NPTN: variants seen among roughly 807,000 people sequenced by gnomAD.
NPTN encodes SDR-1.
In NPTN, 5 loss-of-function variants were observed where a neutral mutation model predicts 42.7. That is an observed-to-expected ratio of 0.12 (90% CI 0.06 to 0.25). The LOEUF is 0.25. NPTN is among the 10% of genes least tolerant of loss of function. The pLI is 1.00. For missense variants in NPTN, 307 were observed against 525.4 expected (o/e 0.58, Z 4.06); for synonymous variants, 180 against 201.9 (o/e 0.89, Z 0.92).
intron 1 of NPTN, among the ~76,000 whole-genome samples, chr15:73,629,201 G>A (rs548154366): frequency 1.2e-4 from 18 of 152,284 alleles, no homozygotes; most frequent in African/African-American, 4.1e-4. Flanking sequence ...TATCAGTAGT[G>A]ACATTTTAGC....
chr15:73,561,846 A>T, intron 8 of NPTN, 50 bp downstream of exon 8: 9 of 1,287,330 alleles, frequency 7.0e-6, no homozygotes, highest in Non-Finnish European at 1.0e-5. Flanking sequence ...CAATAGAGGC[A>T]CATTCATTTG....
intron 2 of NPTN, among the ~76,000 whole-genome samples, 168 bp downstream of exon 2, chr15:73,596,854 G>C (rs1446888409): frequency 6.6e-6 from 1 of 151,706 alleles, no homozygotes; most frequent in Non-Finnish European, 1.5e-5. Flanking sequence ...AGTTGCCACA[G>C]ATGTTTTCAT....
Position 73,633,264 on chromosome 15 carries a change from G to A in NPTN, c.-49C>T. 7.4e-7 allele frequency: 1 copy of A among 1,343,280 alleles called. No homozygotes were observed. The allele number at this position is 1,343,280 out of a possible 1,614,324, so 83.2% of individuals were successfully genotyped here. A position where few individuals can be genotyped will look rare whatever the true frequency, so the allele number is the denominator to read the frequency against. On this transcript the variant is annotated 5_prime_UTR_variant, in exon 1 of 9. Transcript: ENST00000345330. ...GCGAATGGGCCGGGGCCAGAGCCGG[G>A]GCCGGGGAAGGGAGGGGAGGGAGGG...
At chr15:73,590,736 CG>C (rs1458836900) in intron 3 of NPTN, among the ~76,000 whole-genome samples, 1 of 151,948 alleles carries the variant, frequency 6.6e-6, no homozygotes, top group Non-Finnish European at 1.5e-5. Context: ...CACTCCAGCC[CG>C]GGAGGCAGAA....
At chr15:73,566,073 G>C (rs1446781001) in intron 6 of NPTN, among the ~76,000 whole-genome samples, 2 of 152,152 alleles carry the variant, frequency 1.3e-5, no homozygotes, top group Non-Finnish European at 2.9e-5. Context: ...TTAAACCCAA[G>C]AGAGACTGAG....
chr15:73,592,189 G>GC, intron 2 of NPTN, 52 bp from the exon 3 acceptor site: 1 of 1,522,668 alleles, frequency 6.6e-7, no homozygotes, highest in Non-Finnish European at 8.9e-7. Flanking sequence ...ATCCTCTGTA[G>GC]CCCTGGCCTG....
intron 8 of NPTN, among the ~76,000 whole-genome samples, 196 bp from the exon 9 acceptor site, chr15:73,561,244 G>A (rs1419043214): frequency 2.0e-5 from 3 of 152,200 alleles, no homozygotes; most frequent in East Asian, 3.9e-4. Context: ...CCCCAGACGT[G>A]AGGTAAGACT....
intron 6 of NPTN, chr15:73,568,757 A>T (rs936724951): frequency 6.8e-5 from 67 of 985,388 alleles, no homozygotes; most frequent in Non-Finnish European, 8.0e-5. Context: ...GCCTCTGCCC[A>T]GCTCACTGCT....
chr15:73,601,270 G>A (rs1897073005), intron 1 of NPTN, among the ~76,000 whole-genome samples: 1 of 151,772 alleles, frequency 6.6e-6, no homozygotes, highest in African/African-American at 2.4e-5. Context: ...TTCCTTGATA[G>A]CTGAACACTC....
chr15:73,607,118 C>G (rs940442641), intron 1 of NPTN, among the ~76,000 whole-genome samples: 4 of 152,180 alleles, frequency 2.6e-5, no homozygotes, highest in Non-Finnish European at 5.9e-5. Flanking sequence ...CAGAGCTGAG[C>G]CCATCTCTCT....
intron 4 of NPTN, among the ~76,000 whole-genome samples, chr15:73,576,899 C>G (rs1412021712): frequency 6.6e-6 from 1 of 152,126 alleles, no homozygotes; most frequent in Non-Finnish European, 1.5e-5. Context: ...TAAATCAGTT[C>G]TATCATGATT....
intron 1 of NPTN, among the ~76,000 whole-genome samples, chr15:73,602,455 C>T (rs1897120810): frequency 1.3e-5 from 2 of 152,186 alleles, no homozygotes; most frequent in Non-Finnish European, 2.9e-5. Context: ...AAAATAAAGA[C>T]TGAGCAAGAC....
intron 7 of NPTN, 56 bp downstream of exon 7, chr15:73,563,180 A>C (rs1001630962): frequency 6.4e-6 from 8 of 1,250,250 alleles, no homozygotes; most frequent in African/African-American, 1.5e-5. Flanking sequence ...ATTAAACTGC[A>C]AACACAACAT....
intron 1 of NPTN, among the ~76,000 whole-genome samples, chr15:73,631,377 C>A (rs1898734012): frequency 6.6e-6 from 1 of 152,160 alleles, no homozygotes; most frequent in African/African-American, 2.4e-5. Context: ...GAAAAATACC[C>A]AATACACTTA....
intron 1 of NPTN, chr15:73,632,640 C>T (rs1260404213): frequency 6.5e-6 from 1 of 154,114 alleles, no homozygotes; most frequent in Non-Finnish European, 1.4e-5. Context: ...CCCAATTTCC[C>T]CCTTATTTTT....
intron 1 of NPTN, among the ~76,000 whole-genome samples, chr15:73,623,368 G>C (rs1001667354): frequency 4.6e-5 from 7 of 152,182 alleles, no homozygotes; most frequent in African/African-American, 1.7e-4. Context: ...TTTAGAGCTA[G>C]AAACACTAAT....
chr15:73,565,081 A>C (rs1023076204), intron 6 of NPTN, among the ~76,000 whole-genome samples: 1 of 152,180 alleles, frequency 6.6e-6, no homozygotes, highest in Non-Finnish European at 1.5e-5. Flanking sequence ...CAAGCTGGTA[A>C]CATGCAAAGG....
At position 73,560,026 on chromosome 15, in the gene NPTN, A is replaced by ATGTT; in HGVS notation, c.*1033_*1036dup. 1 of 1,058,852 alleles carries ATGTT rather than the reference A, an allele frequency of 9.4e-7. No homozygotes were observed. The highest frequency in any genetic ancestry group is 1.8e-5 in the South Asian group (1 of 55,412). The allele number at this position is 1,058,852 out of a possible 1,614,324, so 65.6% of individuals were successfully genotyped here. On this transcript the variant is annotated 3_prime_UTR_variant, in exon 9 of 9. Transcript: ENST00000345330. ...AGTATTATCCAAACACCTTTTATCA[A>ATGTT]TGTTTTATTTTTAAAAACAGGTGAA...
intron 1 of NPTN, among the ~76,000 whole-genome samples, chr15:73,617,959 C>A (rs1203668344): frequency 6.6e-6 from 1 of 152,202 alleles, no homozygotes; most frequent in Non-Finnish European, 1.5e-5. Context: ...ACCCCTAGCA[C>A]CACTCCACCT....
Sources: gnomAD v4.1 joint callset for allele counts (sites outside exome capture counted in the v4.1 genomes callset) on GRCh38, gnomAD v4.1.1 for gene constraint, MANE v1.5 for transcripts, NCBI Gene and HGNC (gene_info 2026-07-23, HGNC 2026-07-21) for gene names.